The following TLL1 variants were observed in gnomAD, a reference collection of about 807,000 sequenced individuals.
The protein encoded by TLL1 is tolloid-like protein 1.
A neutral mutation model predicts 128.2 loss-of-function variants in TLL1; 49 were observed. That is an observed-to-expected ratio of 0.38 (90% CI 0.30 to 0.48). The LOEUF is 0.48. TLL1 is among the 20% of genes least tolerant of loss of function. TLL1 has a pLI of 0.96. For missense variants in TLL1, 1,123 were observed against 1,242.0 expected (o/e 0.90, Z 1.44); for synonymous variants, 454 against 418.8 (o/e 1.08, Z -1.03).
chr4:166,095,213 A>T (rs1309581317), intron 19 of TLL1, among the ~76,000 whole-genome samples: 1 of 152,096 alleles, frequency 6.6e-6, no homozygotes, highest in African/African-American at 2.4e-5. Flanking sequence ...GAACTAGGTG[A>T]TTAGAAATGT....
chr4:166,058,086 G>A (rs1212852311), intron 14 of TLL1, among the ~76,000 whole-genome samples: 1 of 151,798 alleles, frequency 6.6e-6, no homozygotes, highest in South Asian at 2.1e-4. Context: ...ACATATTAAT[G>A]TATCTGTAGA....
intron 2 of TLL1, among the ~76,000 whole-genome samples, chr4:165,992,286 C>T (rs909057002): frequency 1.3e-5 from 2 of 151,938 alleles, no homozygotes; most frequent in Non-Finnish European, 2.9e-5. Flanking sequence ...TTTCAAAATG[C>T]AGTTGAATAT....
chr4:166,032,401 T>C (rs1040572369), intron 9 of TLL1, among the ~76,000 whole-genome samples: 1 of 152,028 alleles, frequency 6.6e-6, no homozygotes, highest in East Asian at 1.9e-4. Flanking sequence ...ACAATGGTAA[T>C]ATGGGGGAGT....
intron 12 of TLL1, among the ~76,000 whole-genome samples, chr4:166,051,303 C>T (rs1164188917): frequency 2.1e-5 from 2 of 94,360 alleles, no homozygotes; most frequent in Admixed American, 1.9e-4. Flanking sequence ...CCCTCCTTTC[C>T]TTCCTTCCTT....
At chr4:166,017,352 G>A (rs914505892) in intron 8 of TLL1, among the ~76,000 whole-genome samples, 2 of 152,078 alleles carry the variant, frequency 1.3e-5, no homozygotes, top group Admixed American at 6.6e-5. Flanking sequence ...TGGACATCCA[G>A]GTTGATTCCA....
rs1742335628 is a variant in TLL1 at position 166,102,427 on chromosome 4, A to C, written c.*1551A>C. On this transcript the variant is annotated 3_prime_UTR_variant, in exon 21 of 21. Transcript: ENST00000061240. ...AGAGGTAAAAAATAATGGGTGGTTGAAAAGTTAAAATGTATGTGCCAAGTT... is the reference window on the plus strand; with the variant it reads ...AGAGGTAAAAAATAATGGGTGGTTGCAAAGTTAAAATGTATGTGCCAAGTT... 6.6e-6 allele frequency: 1 copy of C among 152,460 alleles called. No individual in the cohort carries two copies. The highest frequency in any genetic ancestry group is 6.6e-5 in the Admixed American group (1 of 15,236). The allele number at this position is 152,460 out of a possible 1,614,324, so 9.4% of individuals were successfully genotyped here.
chr4:166,074,173 T>C (rs1353083075), intron 16 of TLL1, among the ~76,000 whole-genome samples: 1 of 152,100 alleles, frequency 6.6e-6, no homozygotes, highest in Non-Finnish European at 1.5e-5. Context: ...ACCTTACTTC[T>C]AGCACACTAA....
In TLL1 at chr4:166,042,011, CT is replaced by C; in HGVS notation, c.1262-12del. 6.4e-7 allele frequency: 1 copy of C among 1,561,446 alleles called. No homozygotes were observed. Reference sequence around the variant, plus strand: ...TCCTATTTAGGAGTTTCTCTTTATTCTTTTATTTCTTTTAGGTAGATTCTGT... The same window carrying C: ...TCCTATTTAGGAGTTTCTCTTTATTCTTTATTTCTTTTAGGTAGATTCTGT... On this transcript the variant is annotated splice_polypyrimidine_tract_variant and intron_variant, in intron 10 of 20. Transcript: ENST00000061240.
chr4:165,884,999 C>G lies in TLL1; in HGVS notation c.169+10926C>G, dbSNP rs553676137. On this transcript the variant is annotated intron_variant, in intron 1 of 20. Coordinates refer to ENST00000061240, the MANE Select transcript of TLL1 (RefSeq NM_012464.5). ...GTTCACTTTTTCTACATTTATAGGTCAGTAGAAGCAAAAATAAACAGTAAA... is the reference window on the plus strand; with the variant it reads ...GTTCACTTTTTCTACATTTATAGGTGAGTAGAAGCAAAAATAAACAGTAAA... Among the ~76,000 whole-genome samples the G allele has an allele frequency of 8.7e-4, 132 of 152,142 alleles. 1 individual carries two copies. Among genetic ancestry groups the G allele is most frequent in the African/African-American group, 3.1e-3 (129 of 41,496 alleles).
chr4:166,024,496 A>G (rs1304776770), intron 8 of TLL1, among the ~76,000 whole-genome samples: 1 of 152,198 alleles, frequency 6.6e-6, no homozygotes, highest in East Asian at 1.9e-4. Flanking sequence ...TAAGTTAAAG[A>G]TACTTCAAAC....
At chr4:166,015,910 A>G (rs1420574739) in intron 8 of TLL1, among the ~76,000 whole-genome samples, 1 of 151,262 alleles carries the variant, frequency 6.6e-6, no homozygotes, top group Non-Finnish European at 1.5e-5. Context: ...ACTTAGGACT[A>G]TTAAGTTTTA....
At chr4:165,994,241 T>A in intron 3 of TLL1, 140 bp from the exon 4 acceptor site, 1 of 908,306 alleles carries the variant, frequency 1.1e-6, no homozygotes, top group Admixed American at 2.3e-5. Flanking sequence ...ATAACTGAAG[T>A]TTTTCTTTAA....
chr4:165,995,022 G>A (rs1438652038), intron 4 of TLL1, 39 bp from the exon 5 acceptor site: 2 of 1,541,410 alleles, frequency 1.3e-6, no homozygotes, highest in Admixed American at 1.7e-5. Context: ...TTCTTCCTGG[G>A]GATGCCACCT....
intron 14 of TLL1, among the ~76,000 whole-genome samples, chr4:166,058,678 C>T (rs549492478): frequency 6.6e-6 from 1 of 152,166 alleles, no homozygotes; most frequent in Non-Finnish European, 1.5e-5. Flanking sequence ...CTCCTTTATT[C>T]CTCTTTTAAA....
chr4:165,879,406 T>C (rs1471606113), intron 1 of TLL1, among the ~76,000 whole-genome samples: 1 of 152,172 alleles, frequency 6.6e-6, no homozygotes, highest in African/African-American at 2.4e-5. Flanking sequence ...AAAACAATAT[T>C]CTTTGCAAAC....
At chr4:165,971,705 G>A (rs1021710133) in intron 1 of TLL1, among the ~76,000 whole-genome samples, 25 of 152,162 alleles carry the variant, frequency 1.6e-4, no homozygotes, top group African/African-American at 5.3e-4. Context: ...TCTAATGCAA[G>A]TGTACACTCA....
intron 1 of TLL1, among the ~76,000 whole-genome samples, chr4:165,894,144 A>C (rs1229510467): frequency 6.6e-6 from 1 of 152,186 alleles, no homozygotes; most frequent in Admixed American, 6.6e-5. Context: ...ATAATGTCTG[A>C]AGCGATAATG....
intron 18 of TLL1, among the ~76,000 whole-genome samples, chr4:166,079,691 G>T (rs1741200309): frequency 6.6e-6 from 1 of 151,892 alleles, no homozygotes; most frequent in African/African-American, 2.4e-5. Context: ...CTGTATTGTG[G>T]GGTCTGTCAT....
intron 1 of TLL1, among the ~76,000 whole-genome samples, chr4:165,969,188 A>G (rs867294306): frequency 2.6e-5 from 4 of 152,260 alleles, no homozygotes; most frequent in Middle Eastern, 3.4e-3. Context: ...TATCTTGCCA[A>G]TATTAAATTG....
Sources: gnomAD v4.1 joint callset for allele counts (sites outside exome capture counted in the v4.1 genomes callset) on GRCh38, gnomAD v4.1.1 for gene constraint, MANE v1.5 for transcripts, NCBI Gene and HGNC (gene_info 2026-07-23, HGNC 2026-07-21) for gene names.